The following BMAL2 variants were observed in gnomAD, a reference collection of about 807,000 sequenced individuals.
The protein encoded by BMAL2 is basic helix-loop-helix ARNT-like protein 2.
the BMAL2 span, among the ~76,000 whole-genome samples, chr12:27,342,476 C>G: frequency 2.0e-3 from 299 of 152,294 alleles, 4 homozygotes; most frequent in Non-Finnish European, 2.6e-3. Context: ...ACCATCCATA[C>G]AGTAGATGGG....
At chr12:27,341,756 A>G in the BMAL2 span, among the ~76,000 whole-genome samples, 1 of 152,266 alleles carries the variant, frequency 6.6e-6, no homozygotes, top group African/African-American at 2.4e-5. Context: ...GTGCAGTTCC[A>G]TGGGACAAAG....
At chr12:27,410,219 A>G in the BMAL2 span, among the ~76,000 whole-genome samples, 3 of 152,184 alleles carry the variant, frequency 2.0e-5, no homozygotes, top group East Asian at 5.8e-4. Context: ...TAGAAATACC[A>G]TTTGACCCAG....
At chr12:27,377,850 A>G in the BMAL2 span, among the ~76,000 whole-genome samples, 2 of 152,188 alleles carry the variant, frequency 1.3e-5, no homozygotes, top group Non-Finnish European at 2.9e-5. Flanking sequence ...ACTTCGCCCA[A>G]CAGTGTGTAT....
chr12:27,424,939 G>C, the BMAL2 span: 4 of 152,156 alleles, frequency 2.6e-5, no homozygotes, highest in Non-Finnish European at 4.4e-5. Flanking sequence ...TGTTTTATGA[G>C]AAATGCTTTC....
At chr12:27,403,514 T>C in the BMAL2 span, 81 of 1,604,470 alleles carry the variant, frequency 5.0e-5, no homozygotes, top group Non-Finnish European at 6.6e-5. Context: ...GGAACAGATA[T>C]TGCAAATGAA....
At chr12:27,334,671 T>C in the BMAL2 span, among the ~76,000 whole-genome samples, 1 of 152,262 alleles carries the variant, frequency 6.6e-6, no homozygotes, top group Non-Finnish European at 1.5e-5. Flanking sequence ...GCTATTTATC[T>C]AACTATTTTA....
At chr12:27,408,523 A>G in the BMAL2 span, among the ~76,000 whole-genome samples, 2,488 of 152,270 alleles carry the variant, frequency 0.016, 30 homozygotes, top group Non-Finnish European at 0.028. Context: ...TGCAGAAAAG[A>G]CCTTTGACAA....
At chr12:27,412,531 A>C in the BMAL2 span, among the ~76,000 whole-genome samples, 1 of 152,152 alleles carries the variant, frequency 6.6e-6, no homozygotes, top group Admixed American at 6.5e-5. Flanking sequence ...TGATTTTAAA[A>C]CATGAACAGG....
At chr12:27,371,968 G>A in the BMAL2 span, among the ~76,000 whole-genome samples, 1 of 152,084 alleles carries the variant, frequency 6.6e-6, no homozygotes, top group South Asian at 2.1e-4. Flanking sequence ...CTAGCAAATT[G>A]CCACTATTTC....
the BMAL2 span, chr12:27,385,664 T>C: frequency 1.5e-6 from 1 of 684,010 alleles, no homozygotes. Flanking sequence ...CATATGGGAC[T>C]CCATATTACA....
At chr12:27,374,671 A>G in the BMAL2 span, among the ~76,000 whole-genome samples, 1 of 152,222 alleles carries the variant, frequency 6.6e-6, no homozygotes, top group Non-Finnish European at 1.5e-5. Flanking sequence ...GAGGCTGTTT[A>G]ATTTTATTTG....
chr12:27,362,042 C>A, the BMAL2 span, among the ~76,000 whole-genome samples: 1 of 151,202 alleles, frequency 6.6e-6, no homozygotes, highest in Admixed American at 6.6e-5. Flanking sequence ...AAAAAATCTT[C>A]GTTTTATTTC....
chr12:27,378,641 G>A, the BMAL2 span, among the ~76,000 whole-genome samples: 2 of 152,176 alleles, frequency 1.3e-5, no homozygotes, highest in Non-Finnish European at 2.9e-5. Context: ...CTATAATTAG[G>A]GAATCTGGCT....
At chr12:27,371,605 C>T in the BMAL2 span, among the ~76,000 whole-genome samples, 1 of 152,116 alleles carries the variant, frequency 6.6e-6, no homozygotes, top group African/African-American at 2.4e-5. Context: ...ATCTTGAATG[C>T]AGTAGGAAAA....
the BMAL2 span, among the ~76,000 whole-genome samples, chr12:27,357,835 C>T: frequency 6.6e-6 from 1 of 152,080 alleles, no homozygotes; most frequent in East Asian, 1.9e-4. Flanking sequence ...ACTGGATTTT[C>T]ATCTCTCACA....
chr12:27,380,519 A>C, the BMAL2 span: 1 of 1,134,346 alleles, frequency 8.8e-7, no homozygotes, highest in Non-Finnish European at 1.3e-6. Context: ...TGTGTCTTTC[A>C]GCTTTAGAGG....
At chr12:27,392,115 C>T in the BMAL2 span, among the ~76,000 whole-genome samples, 1 of 152,162 alleles carries the variant, frequency 6.6e-6, no homozygotes, top group African/African-American at 2.4e-5. Flanking sequence ...TGAGTAGGTT[C>T]TAGAGCCAAA....
At chr12:27,351,491 G>C in the BMAL2 span, among the ~76,000 whole-genome samples, 10,506 of 152,092 alleles carry the variant, frequency 0.069, 479 homozygotes, top group Non-Finnish European at 0.1. Context: ...CCTTGAATGC[G>C]CTTTTCAAAT....
the BMAL2 span, among the ~76,000 whole-genome samples, chr12:27,359,759 C>A: frequency 1.3e-5 from 2 of 152,160 alleles, no homozygotes; most frequent in Admixed American, 1.3e-4. Flanking sequence ...CTGCTGTGGT[C>A]CTCAAAGGCT....
Sources: gnomAD v4.1 joint callset for allele counts (sites outside exome capture counted in the v4.1 genomes callset) on GRCh38, gnomAD v4.1.1 for gene constraint, MANE v1.5 for transcripts, NCBI Gene and HGNC (gene_info 2026-07-23, HGNC 2026-07-21) for gene names.